TMEM178B: variants seen among roughly 807,000 people sequenced by gnomAD.
The protein encoded by TMEM178B is transmembrane protein 178B.
Under a neutral mutation model 31.0 loss-of-function variants are expected in TMEM178B, and 5 were observed. The ratio of observed to expected loss-of-function variants is 0.16; its 90% confidence interval spans 0.08 to 0.34. The LOEUF (loss-of-function observed/expected upper bound fraction) is 0.34. TMEM178B is among the 10% of genes least tolerant of loss of function. The pLI is 1.00. For synonymous variants in TMEM178B, 164 were observed against 164.0 expected, an observed-to-expected ratio of 1.00 and a Z score of 0.00; for missense variants, 275 against 400.3, an observed-to-expected ratio of 0.69 and a Z score of 2.67.
chr7:141,427,200 T>C (rs1445976229), intron 2 of TMEM178B, among the ~76,000 whole-genome samples: 1 of 152,164 alleles, frequency 6.6e-6, no homozygotes, highest in East Asian at 1.9e-4. Flanking sequence ...TTCACAGAAA[T>C]ACAAAAAGCA....
At chr7:141,408,372 A>C (rs1227743301) in intron 2 of TMEM178B, among the ~76,000 whole-genome samples, 2 of 152,178 alleles carry the variant, frequency 1.3e-5, no homozygotes, top group African/African-American at 4.8e-5. Flanking sequence ...GCACTGTATT[A>C]GAGTAGTACG....
intron 3 of TMEM178B, among the ~76,000 whole-genome samples, chr7:141,464,016 C>T (rs771119797): frequency 6.6e-6 from 1 of 152,128 alleles, no homozygotes; most frequent in African/African-American, 2.4e-5. Context: ...GGCAGGACTC[C>T]AGTGATCTGT....
intron 2 of TMEM178B, among the ~76,000 whole-genome samples, chr7:141,302,683 A>G (rs1425898085): frequency 6.6e-6 from 1 of 152,220 alleles, no homozygotes; most frequent in Non-Finnish European, 1.5e-5. Flanking sequence ...CACAGTAGAA[A>G]AAAAAGTCTT....
intron 1 of TMEM178B, among the ~76,000 whole-genome samples, chr7:141,123,567 C>T (rs1795442475): frequency 6.6e-6 from 1 of 152,214 alleles, no homozygotes; most frequent in South Asian, 2.1e-4. Context: ...AGTGTCTGTA[C>T]TGGTGACCAC....
At chr7:141,417,741 C>T (rs953559909) in intron 2 of TMEM178B, among the ~76,000 whole-genome samples, 11 of 152,224 alleles carry the variant, frequency 7.2e-5, no homozygotes, top group Non-Finnish European at 1.5e-5. Context: ...TGTACCTGTA[C>T]ATTGCGTGTC....
At chr7:141,410,590 A>C (rs1427794471) in intron 2 of TMEM178B, among the ~76,000 whole-genome samples, 1 of 149,922 alleles carries the variant, frequency 6.7e-6, no homozygotes, top group Non-Finnish European at 1.5e-5. Flanking sequence ...AATGGGTTGT[A>C]ATAATCCACC....
chr7:141,270,739 C>T (rs1365652856), intron 2 of TMEM178B, among the ~76,000 whole-genome samples: 5 of 152,200 alleles, frequency 3.3e-5, no homozygotes, highest in South Asian at 2.1e-4. Flanking sequence ...TGCTAGCCTT[C>T]GCTGCTAAAT....
At chr7:141,450,701 A>G (rs573121307) in intron 3 of TMEM178B, among the ~76,000 whole-genome samples, 1 of 152,292 alleles carries the variant, frequency 6.6e-6, no homozygotes, top group Non-Finnish European at 1.5e-5. Context: ...CAGGTGGAAG[A>G]GGTGGAGAGG....
chr7:141,406,806 A>G (rs977955907), intron 2 of TMEM178B, among the ~76,000 whole-genome samples: 1 of 152,244 alleles, frequency 6.6e-6, no homozygotes, highest in Non-Finnish European at 1.5e-5. Context: ...CAAGCGCCAC[A>G]TGACTCAAAT....
chr7:141,484,075 T>C (rs1375964517), downstream of TMEM178B, among the ~76,000 whole-genome samples: 1 of 152,186 alleles, frequency 6.6e-6, no homozygotes, highest in Non-Finnish European at 1.5e-5. The surrounding 1 kb of genome is among the most constrained non-coding windows in gnomAD (Gnocchi z 4.8). Flanking sequence ...CAGTGCTTAG[T>C]GTCCCACACG....
chr7:141,084,881 A>AT (rs894208211), intron 1 of TMEM178B, among the ~76,000 whole-genome samples: 39 of 148,120 alleles, frequency 2.6e-4, no homozygotes, highest in Middle Eastern at 3.4e-3. Flanking sequence ...TTGTTTTGTA[A>AT]TTTTTTTTTT....
chr7:141,397,820 G>A (rs957423316), intron 2 of TMEM178B, among the ~76,000 whole-genome samples: 4 of 152,072 alleles, frequency 2.6e-5, no homozygotes, highest in African/African-American at 9.7e-5. Flanking sequence ...GCATCTCTTC[G>A]CCCACCCGAG....
intron 2 of TMEM178B, among the ~76,000 whole-genome samples, chr7:141,223,090 C>T (rs373632135): frequency 2.0e-4 from 30 of 152,250 alleles, no homozygotes; most frequent in East Asian, 7.7e-4. Flanking sequence ...GCCTGTCTAG[C>T]CCGGCCCTGC....
intron 1 of TMEM178B, among the ~76,000 whole-genome samples, chr7:141,081,847 G>A (rs1311650670): frequency 1.3e-5 from 2 of 152,048 alleles, no homozygotes; most frequent in East Asian, 1.9e-4. Flanking sequence ...ACTTTCACTC[G>A]CCACTCACCT....
In TMEM178B at chr7:141,306,627, T is replaced by C. The variant is rs1450353954; in HGVS notation, c.496+93923T>C. 2.6e-5 allele frequency among the ~76,000 whole-genome samples: 4 copies of C among 152,000 alleles called. No individual in the cohort carries two copies. In the East Asian group the frequency reaches 7.7e-4, roughly 29 times the overall value. On this transcript the variant is annotated intron_variant, in intron 2 of 3. Transcript: ENST00000565468. ...TCCATGGTTCTGAGAGTCTGTTTTT[T>C]TTTTTTTTCTGGTCTCTCTGGTCTC...
At chr7:141,099,121 G>C (rs143898459) in intron 1 of TMEM178B, among the ~76,000 whole-genome samples, 139 of 152,302 alleles carry the variant, frequency 9.1e-4, no homozygotes, top group Non-Finnish European at 1.4e-3. Context: ...GGAGATCCCA[G>C]CCTCCTCCTT....
intron 2 of TMEM178B, among the ~76,000 whole-genome samples, chr7:141,378,027 C>T (rs1800250413): frequency 6.6e-6 from 1 of 152,218 alleles, no homozygotes; most frequent in African/African-American, 2.4e-5. Context: ...CACAAAGCCA[C>T]ACTGCATTTA....
At chr7:141,363,885 G>A (rs1441202524) in intron 2 of TMEM178B, among the ~76,000 whole-genome samples, 1 of 150,120 alleles carries the variant, frequency 6.7e-6, no homozygotes, top group East Asian at 1.9e-4. Flanking sequence ...GTGAGACCCT[G>A]TTTCTAAAAA....
At chr7:141,349,745 C>T (rs1470082714) in intron 2 of TMEM178B, among the ~76,000 whole-genome samples, 1 of 152,166 alleles carries the variant, frequency 6.6e-6, no homozygotes, top group Admixed American at 6.5e-5. Flanking sequence ...GCTATAATAA[C>T]AGTGTCAAGG....
Sources: gnomAD v4.1 joint callset for allele counts (sites outside exome capture counted in the v4.1 genomes callset) on GRCh38, gnomAD v4.1.1 for gene constraint, Gnocchi (gnomAD v3.1) non-coding constraint, MANE v1.5 for transcripts, NCBI Gene and HGNC (gene_info 2026-07-23, HGNC 2026-07-21) for gene names.